Variants in FHIT observed in about 807,000 individuals in gnomAD.
FHIT encodes the protein fragile histidine triad diadenosine triphosphatase.
FHIT carries 19 observed loss-of-function variants against 17.9 expected under a neutral mutation model. The observed-to-expected ratio is 1.06, with a 90% CI of 0.74 to 1.56. The LOEUF (loss-of-function observed/expected upper bound fraction) is 1.56, where lower values mean the gene tolerates loss of function less well. FHIT is among the 40% of genes most tolerant of loss of function. FHIT has a pLI of 0.00. For synonymous variants in FHIT, 81 were observed against 69.7 expected, an observed-to-expected ratio of 1.16 and a Z score of -0.81; for missense variants, 248 against 189.2, an observed-to-expected ratio of 1.31 and a Z score of -1.82.
At chr3:60,743,699 T>G (rs1553714471) in intron 4 of FHIT, among the ~76,000 whole-genome samples, 2 of 152,096 alleles carry the variant, frequency 1.3e-5, no homozygotes, top group Non-Finnish European at 2.9e-5. Context: ...TGCTGGCTCT[T>G]CTCATTAAGA....
chr3:60,382,046 C>T (rs766507153), intron 5 of FHIT, among the ~76,000 whole-genome samples: 3 of 152,224 alleles, frequency 2.0e-5, no homozygotes, highest in Non-Finnish European at 4.4e-5. Flanking sequence ...AGCTACTATA[C>T]TAGCACAAAT....
At chr3:60,539,287 G>T (rs1188517724) in intron 4 of FHIT, among the ~76,000 whole-genome samples, 1 of 152,144 alleles carries the variant, frequency 6.6e-6, no homozygotes, top group Non-Finnish European at 1.5e-5. Context: ...AAAAAGTCAG[G>T]AAACAACAGG....
At chr3:60,781,185 AT>A (rs372736772) in intron 4 of FHIT, among the ~76,000 whole-genome samples, 76 of 152,292 alleles carry the variant, frequency 5.0e-4, no homozygotes, top group African/African-American at 1.8e-3. Context: ...CAATAGTTTA[AT>A]ACTTTAAAAA....
chr3:61,041,418 C>T (rs897547335), intron 3 of FHIT, among the ~76,000 whole-genome samples: 11 of 151,946 alleles, frequency 7.2e-5, no homozygotes, highest in East Asian at 1.9e-4. Context: ...ATCCGCACCT[C>T]CTAAGAAATG....
intron 5 of FHIT, among the ~76,000 whole-genome samples, chr3:60,412,700 C>A (rs752945187): frequency 3.9e-5 from 6 of 152,158 alleles, no homozygotes; most frequent in Non-Finnish European, 7.3e-5. Flanking sequence ...GAGTCTCAAA[C>A]TGATATGGTT....
At chr3:60,715,861 A>T (rs2041670139) in intron 4 of FHIT, among the ~76,000 whole-genome samples, 1 of 152,198 alleles carries the variant, frequency 6.6e-6, no homozygotes, top group Non-Finnish European at 1.5e-5. Context: ...TTAGTATTAC[A>T]GTAATATAGT....
intron 5 of FHIT, among the ~76,000 whole-genome samples, chr3:60,422,044 A>G (rs188841306): frequency 9.9e-5 from 15 of 152,274 alleles, no homozygotes; most frequent in Admixed American, 2.6e-4. Flanking sequence ...GTGAGGGCAT[A>G]TTCTGACATC....
chr3:59,887,042 G>A (rs1407051562), intron 8 of FHIT, among the ~76,000 whole-genome samples: 13 of 152,092 alleles, frequency 8.5e-5, no homozygotes, highest in African/African-American at 3.1e-4. Flanking sequence ...TGGCTGGCTG[G>A]TTGGCTAAGT....
intron 3 of FHIT, among the ~76,000 whole-genome samples, chr3:60,943,621 G>A (rs1446904707): frequency 1.3e-5 from 2 of 152,056 alleles, no homozygotes; most frequent in South Asian, 4.1e-4. Flanking sequence ...TTTGATTACT[G>A]ATTATTTGGC....
chr3:59,799,550 T>C (rs1699912602), intron 8 of FHIT, among the ~76,000 whole-genome samples: 1 of 152,166 alleles, frequency 6.6e-6, no homozygotes, highest in South Asian at 2.1e-4. Context: ...CTGGCACCTG[T>C]GCCTTGAAGT....
chr3:60,748,443 G>A (rs554792128), intron 4 of FHIT, among the ~76,000 whole-genome samples: 47 of 152,088 alleles, frequency 3.1e-4, no homozygotes, highest in Non-Finnish European at 4.6e-4. Flanking sequence ...GCCCTCCATC[G>A]GATACCAGAA....
chr3:60,046,119 T>G (rs960677101), intron 5 of FHIT, among the ~76,000 whole-genome samples: 9 of 152,232 alleles, frequency 5.9e-5, no homozygotes, highest in African/African-American at 2.2e-4. Flanking sequence ...AGGCAGGCAT[T>G]GGGTCATATG....
rs533650661 is a variant in FHIT at position 60,564,466 on chromosome 3, G to T, written c.-17-27487C>A. 2.6e-5 allele frequency among the ~76,000 whole-genome samples: 4 copies of T among 152,208 alleles called. No homozygotes were observed. The East Asian group carries it at 5.8e-4, about 22-fold the overall frequency. ...CATTTTGTAAGGCTATAACTGTCATGGACAGTGACTCCTCTGATGGATCTG... is the reference window on the plus strand; with the variant it reads ...CATTTTGTAAGGCTATAACTGTCATTGACAGTGACTCCTCTGATGGATCTG... On this transcript the variant is annotated intron_variant, in intron 4 of 9. Transcript: ENST00000492590.
chr3:59,912,745 G>A (rs983633410), intron 8 of FHIT, among the ~76,000 whole-genome samples: 4 of 152,198 alleles, frequency 2.6e-5, no homozygotes, highest in South Asian at 4.1e-4. Flanking sequence ...TATTCTATGA[G>A]TTCCTTAGTT....
intron 3 of FHIT, among the ~76,000 whole-genome samples, chr3:60,853,474 C>T (rs536203232): frequency 2.0e-5 from 3 of 152,126 alleles, no homozygotes; most frequent in African/African-American, 4.8e-5. Flanking sequence ...TAGCAGATGA[C>T]CTTCACGAGC....
At chr3:60,357,076 G>C (rs1699699117) in intron 5 of FHIT, among the ~76,000 whole-genome samples, 1 of 152,142 alleles carries the variant, frequency 6.6e-6, no homozygotes, top group Non-Finnish European at 1.5e-5. Flanking sequence ...CTTTCCTTGA[G>C]ATCTTCTGGT....
At chr3:60,353,014 G>C (rs1278308333) in intron 5 of FHIT, among the ~76,000 whole-genome samples, 1 of 152,118 alleles carries the variant, frequency 6.6e-6, no homozygotes, top group Non-Finnish European at 1.5e-5. Context: ...TTCACTTTCA[G>C]TTGATCAATT....
At chr3:60,155,011 G>A (rs1483958006) in intron 5 of FHIT, among the ~76,000 whole-genome samples, 1 of 151,826 alleles carries the variant, frequency 6.6e-6, no homozygotes, top group African/African-American at 2.4e-5. Context: ...ACCACTCTGG[G>A]CAACATAGTG....
chr3:60,705,060 A>G (rs1284643471), intron 4 of FHIT, among the ~76,000 whole-genome samples: 2 of 152,092 alleles, frequency 1.3e-5, no homozygotes, highest in African/African-American at 4.8e-5. Context: ...AAAAAAAAAA[A>G]AAAAAGTTTA....
Sources: allele counts gnomAD v4.1 joint callset (sites outside exome capture counted in the v4.1 genomes callset), GRCh38; gene constraint gnomAD v4.1.1; transcripts MANE v1.5; gene names NCBI Gene and HGNC (gene_info 2026-07-23, HGNC 2026-07-21).